Variants in FAR2 observed in about 807,000 individuals in gnomAD.
The protein encoded by FAR2 is epididymis secretory protein Li 81.
In FAR2, 19 loss-of-function variants were observed where a neutral mutation model predicts 56.0. That is an observed-to-expected ratio of 0.34 (90% CI 0.24 to 0.50). The LOEUF (loss-of-function observed/expected upper bound fraction) is 0.50, where lower values mean the gene tolerates loss of function less well. FAR2 is among the 20% of genes least tolerant of loss of function. FAR2 has a pLI of 0.98. For missense variants in FAR2, 508 were observed against 642.2 expected, an observed-to-expected ratio of 0.79 and a Z score of 2.26; for synonymous variants, 219 against 218.8, an observed-to-expected ratio of 1.00 and a Z score of -0.01.
At chr12:29,257,803 A>G (rs1015742509) in intron 1 of FAR2, among the ~76,000 whole-genome samples, 1 of 152,092 alleles carries the variant, frequency 6.6e-6, no homozygotes, top group Admixed American at 6.5e-5. Context: ...CGGACACGCC[A>G]CCTTTAAGAA....
chr12:29,173,373 C>T (rs1949906382), intron 1 of FAR2, among the ~76,000 whole-genome samples: 2 of 151,994 alleles, frequency 1.3e-5, no homozygotes, highest in Non-Finnish European at 2.9e-5. Context: ...AATAGGGAGG[C>T]TAGGATATGG....
At chr12:29,233,933 C>G (rs1359475461) in intron 1 of FAR2, among the ~76,000 whole-genome samples, 1 of 152,178 alleles carries the variant, frequency 6.6e-6, no homozygotes, top group Non-Finnish European at 1.5e-5. Context: ...TCAATGACTG[C>G]TAATTATGTC....
At chr12:29,248,215 C>G (rs946160345) in intron 1 of FAR2, among the ~76,000 whole-genome samples, 10 of 152,168 alleles carry the variant, frequency 6.6e-5, no homozygotes, top group Middle Eastern at 3.4e-3. Flanking sequence ...TATCAAGTAA[C>G]CAGATTATTT....
At chr12:29,227,135 G>C (rs1446613647) in intron 1 of FAR2, among the ~76,000 whole-genome samples, 1 of 152,152 alleles carries the variant, frequency 6.6e-6, no homozygotes, top group East Asian at 1.9e-4. Context: ...GAGATGCTCT[G>C]TTTTCCGCAG....
rs558948186 is a variant in FAR2, at chr12:29,181,423, C to T, written c.-39+32016C>T. Among the ~76,000 whole-genome samples the T allele has an allele frequency of 8.3e-4, 126 of 152,262 alleles. 1 individual carries two copies. Among genetic ancestry groups the T allele is most frequent in the African/African-American group, 2.9e-3 (119 of 41,536 alleles). On this transcript the variant is annotated intron_variant, in intron 1 of 11. Coordinates refer to ENST00000536681, the MANE Select transcript of FAR2 (RefSeq NM_001271783.2). ...TGGAAAATAGACTCCTAGCTCAAAT[C>T]TCTAACTTATAAAATTATCAAAACA...
chr12:29,283,810 A>C (rs16934110), intron 2 of FAR2, among the ~76,000 whole-genome samples: 7,427 of 152,274 alleles, frequency 0.049, 504 homozygotes, highest in African/African-American at 0.15. Context: ...TCATGTAATT[A>C]TGAACCAATC....
intron 1 of FAR2, among the ~76,000 whole-genome samples, chr12:29,152,760 A>G (rs912476694): frequency 6.6e-6 from 1 of 152,272 alleles, no homozygotes; most frequent in Non-Finnish European, 1.5e-5. Flanking sequence ...TTACAAGGCA[A>G]TAGAAGATTT....
At chr12:29,151,326 C>A (rs1045913521) in intron 1 of FAR2, 1 of 148,014 alleles carries the variant, frequency 6.8e-6, no homozygotes. Context: ...ATTTGAGAAT[C>A]TGATGAAAGC....
chr12:29,260,281 G>T (rs1000021935), intron 1 of FAR2, among the ~76,000 whole-genome samples: 2 of 152,212 alleles, frequency 1.3e-5, no homozygotes, highest in Admixed American at 6.5e-5. Flanking sequence ...GTGGAGGCAA[G>T]AGGTAGAAGA....
At chr12:29,286,635 T>TG (rs1439507552) in intron 2 of FAR2, among the ~76,000 whole-genome samples, 1 of 152,168 alleles carries the variant, frequency 6.6e-6, no homozygotes, top group African/African-American at 2.4e-5. Context: ...ATCTTTGGTG[T>TG]GGGGAAAAGA....
intron 9 of FAR2, among the ~76,000 whole-genome samples, chr12:29,321,111 C>G (rs1204420101): frequency 6.6e-6 from 1 of 151,254 alleles, no homozygotes; most frequent in East Asian, 1.9e-4. Flanking sequence ...TTAATCTCCA[C>G]TATGATTGAC....
At chr12:29,204,248 C>G (rs547149372) in intron 1 of FAR2, among the ~76,000 whole-genome samples, 1 of 151,656 alleles carries the variant, frequency 6.6e-6, no homozygotes, top group Admixed American at 6.6e-5. Flanking sequence ...TTTTCAAGTA[C>G]CTCCTCTAAA....
chr12:29,283,962 C>T (rs1948828125), intron 2 of FAR2, among the ~76,000 whole-genome samples: 1 of 152,148 alleles, frequency 6.6e-6, no homozygotes, highest in Admixed American at 6.6e-5. Flanking sequence ...ATAAATCATT[C>T]AGTAGTAAAG....
intron 1 of FAR2, among the ~76,000 whole-genome samples, chr12:29,243,866 G>A (rs1246002165): frequency 6.6e-6 from 1 of 152,142 alleles, no homozygotes; most frequent in Admixed American, 6.5e-5. Context: ...ATCTGCAGTT[G>A]TTAAAAACTC....
intron 1 of FAR2, among the ~76,000 whole-genome samples, chr12:29,229,617 G>T (rs185867486): frequency 6.6e-6 from 1 of 152,174 alleles, no homozygotes; most frequent in Admixed American, 6.5e-5. Flanking sequence ...TCTACCAAAT[G>T]CTGGGCTCTG....
chr12:29,314,769 G>A (rs1340885210), intron 8 of FAR2, among the ~76,000 whole-genome samples: 1 of 151,672 alleles, frequency 6.6e-6, no homozygotes, highest in South Asian at 2.1e-4. Flanking sequence ...TTAAAGACAG[G>A]GAATATATCA....
intron 2 of FAR2, among the ~76,000 whole-genome samples, chr12:29,276,459 A>G (rs1948705492): frequency 6.6e-6 from 1 of 152,226 alleles, no homozygotes; most frequent in Non-Finnish European, 1.5e-5. Flanking sequence ...CTGATTATTA[A>G]TGCACAAGCC....
At chr12:29,265,154 C>A (rs1379089167) in intron 1 of FAR2, among the ~76,000 whole-genome samples, 5 of 152,106 alleles carry the variant, frequency 3.3e-5, no homozygotes. Flanking sequence ...AATGACATTT[C>A]TCACAGAAAT....
chr12:29,256,712 G>A (rs1401327876), intron 1 of FAR2, among the ~76,000 whole-genome samples: 1 of 152,162 alleles, frequency 6.6e-6, no homozygotes, highest in Non-Finnish European at 1.5e-5. Context: ...GGGTGGGCGT[G>A]GGCTTGGCGG....
Sources: gnomAD v4.1 joint callset for allele counts (sites outside exome capture counted in the v4.1 genomes callset) on GRCh38, gnomAD v4.1.1 for gene constraint, MANE v1.5 for transcripts, NCBI Gene and HGNC (gene_info 2026-07-23, HGNC 2026-07-21) for gene names.